KIF16B: variants seen among roughly 807,000 people sequenced by gnomAD.
KIF16B encodes kinesin family member 16B.
In KIF16B, 98 loss-of-function variants were observed where a neutral mutation model predicts 156.3. The observed-to-expected ratio is 0.63, with a 90% CI of 0.53 to 0.74. The LOEUF (loss-of-function observed/expected upper bound fraction) is 0.74. KIF16B is among the 30% of genes least tolerant of loss of function. KIF16B has a pLI of 0.00. For missense variants in KIF16B, 1,421 were observed against 1,606.5 expected (o/e 0.88, Z 1.97); for synonymous variants, 564 against 583.7 (o/e 0.97, Z 0.49).
intron 17 of KIF16B, 116 bp downstream of exon 17, chr20:16,404,696 AT>A: frequency 1.4e-6 from 1 of 712,550 alleles, no homozygotes; most frequent in Non-Finnish European, 2.4e-6. Context: ...ACGGTGGCTG[AT>A]TTGATAAGGA....
At chr20:16,457,356 T>C (rs1470671240) in intron 12 of KIF16B, among the ~76,000 whole-genome samples, 1 of 152,244 alleles carries the variant, frequency 6.6e-6, no homozygotes, top group Non-Finnish European at 1.5e-5. Flanking sequence ...GCAAAACTTC[T>C]ATTAGCAATA....
rs58046157 is a variant in KIF16B at position 16,567,739 on chromosome 20, G to C, written c.47+5490C>G. Among the ~76,000 whole-genome samples, 947 of 152,098 alleles carry C rather than the reference G, an allele frequency of 6.2e-3. 9 individuals carry two copies. Among genetic ancestry groups the C allele is most frequent in the African/African-American group, 0.022 (899 of 41,480 alleles). ...GCTGAGGCGGGCGGATCATGAGGTC[G>C]GGAGATCAAGACCATCCTGGCTAAC... is the stretch of plus-strand genomic sequence containing the variant. On this transcript the variant is annotated intron_variant, in intron 1 of 25. Transcript: ENST00000354981.
chr20:16,367,097 T>G (rs1452198558), intron 22 of KIF16B: 8 of 1,494,598 alleles, frequency 5.4e-6, no homozygotes, highest in African/African-American at 1.4e-5. Context: ...AATGCTTATT[T>G]TATTAATGAT....
chr20:16,288,217 C>A (rs923692898), intron 25 of KIF16B, among the ~76,000 whole-genome samples: 1 of 152,198 alleles, frequency 6.6e-6, no homozygotes, highest in African/African-American at 2.4e-5. Flanking sequence ...GGCACAAAGA[C>A]ATCAAAGCAC....
intron 1 of KIF16B, among the ~76,000 whole-genome samples, chr20:16,559,605 C>CA (rs11405074): frequency 0.36 from 52,675 of 147,988 alleles, 9,283 homozygotes; most frequent in African/African-American, 0.41. Flanking sequence ...CCCATCTCTA[C>CA]AAAAAAAAAA....
intron 4 of KIF16B, among the ~76,000 whole-genome samples, chr20:16,515,240 T>C (rs1475634444): frequency 1.3e-5 from 2 of 152,182 alleles, no homozygotes. Flanking sequence ...AACTGTTGTG[T>C]TGGCAGAAAA....
At chr20:16,570,574 G>A (rs1322035966) in intron 1 of KIF16B, among the ~76,000 whole-genome samples, 1 of 152,172 alleles carries the variant, frequency 6.6e-6, no homozygotes, top group Non-Finnish European at 1.5e-5. Context: ...ATTAGGTCAA[G>A]TATATTCAGT....
chr20:16,333,024 T>G (rs1280341298), intron 24 of KIF16B, among the ~76,000 whole-genome samples: 5 of 152,186 alleles, frequency 3.3e-5, no homozygotes, highest in African/African-American at 1.2e-4. Flanking sequence ...TTACCAGGCT[T>G]AATACTGTCC....
intron 24 of KIF16B, among the ~76,000 whole-genome samples, chr20:16,329,424 C>G (rs991664816): frequency 2.0e-5 from 3 of 152,140 alleles, no homozygotes; most frequent in African/African-American, 7.2e-5. Context: ...AAGCCTTACA[C>G]TGATTTTAAT....
chr20:16,504,278 T>C, intron 10 of KIF16B, 94 bp downstream of exon 10: 1 of 1,262,908 alleles, frequency 7.9e-7, no homozygotes, highest in Non-Finnish European at 1.1e-6. Context: ...TTTACTCAAA[T>C]CAATAGCATG....
At position 16,512,857 on chromosome 20, in the gene KIF16B, A is replaced by G. The variant is rs1898019191; in HGVS notation, c.415T>C (p.Trp139Arg). The G allele has an allele frequency of 1.2e-6, 2 of 1,613,760 alleles. No homozygotes were observed. The highest frequency in any genetic ancestry group is 1.7e-5 in the Admixed American group (1 of 59,996). ...TCAGTTCGAAAAGAAGCTTCATCCC[A>G]TCTGGTGGTTTCATTTATCCGACTG... Reference protein sequence around the residue: ...LFSRINETTRWDEASFRTEVS... With the variant: ...LFSRINETTRRDEASFRTEVS... The change falls in exon 5 of 26, where the codon TGG becomes CGG. Residue 139 changes from tryptophan (W) to arginine (R), a missense_variant. Transcript: ENST00000354981.
intron 19 of KIF16B, among the ~76,000 whole-genome samples, chr20:16,376,632 C>T (rs1175276477): frequency 6.6e-6 from 1 of 152,204 alleles, no homozygotes; most frequent in Non-Finnish European, 1.5e-5. Flanking sequence ...ACTCATGAAG[C>T]TAACAGCCCC....
At chr20:16,438,600 T>C (rs12624346) in intron 12 of KIF16B, among the ~76,000 whole-genome samples, 19,023 of 152,096 alleles carry the variant, frequency 0.13, 1,322 homozygotes, top group Non-Finnish European at 0.17. Flanking sequence ...GGAAGAATCA[T>C]GTCCATCTAA....
Position 16,555,313 on chromosome 20 carries a change from G to C in KIF16B, c.47+17916C>G, listed in dbSNP as rs115103597. On this transcript the variant is annotated intron_variant, in intron 1 of 25. Coordinates refer to ENST00000354981, the MANE Select transcript of KIF16B (RefSeq NM_024704.5). ...CCTCACTGTACAGAAGAGGATATGA[G>C]ACGAAATCAGAAGACAGAGTGCCAC... Among the ~76,000 whole-genome samples the C allele has an allele frequency of 4.2e-3, 640 of 152,312 alleles. 8 individuals are homozygous for C. The highest frequency in any genetic ancestry group is 0.015 in the African/African-American group (607 of 41,560).
chr20:16,547,962 C>G lies in KIF16B; in HGVS notation c.48-19522G>C, dbSNP rs77061525. Among the ~76,000 whole-genome samples, 877 of 152,194 alleles carry G rather than the reference C, an allele frequency of 5.8e-3. 7 individuals carry two copies. The highest frequency in any genetic ancestry group is 0.02 in the African/African-American group (836 of 41,516). On this transcript the variant is annotated intron_variant, in intron 1 of 25. Coordinates refer to ENST00000354981, the MANE Select transcript of KIF16B (RefSeq NM_024704.5). ...TGCACCCCAAACCAATTAAATCTGA[C>G]TCTCTGGCAGAGGGAAGCGAGTGTC...
intron 25 of KIF16B, among the ~76,000 whole-genome samples, chr20:16,281,056 A>G (rs1252965183): frequency 1.3e-5 from 2 of 152,130 alleles, no homozygotes; most frequent in African/African-American, 4.8e-5. Context: ...TGCTTATTTC[A>G]TGTGCAATAT....
At chr20:16,338,235 A>G (rs994810584) in intron 23 of KIF16B, among the ~76,000 whole-genome samples, 15 of 151,084 alleles carry the variant, frequency 9.9e-5, no homozygotes, top group African/African-American at 3.7e-4. Context: ...CTCCCCCCAC[A>G]CTCTTCATCC....
chr20:16,487,250 T>C (rs1471548241), intron 12 of KIF16B, among the ~76,000 whole-genome samples: 1 of 139,228 alleles, frequency 7.2e-6, no homozygotes, highest in East Asian at 2.0e-4. Context: ...AGACTCCATC[T>C]CAAAAAAAAA....
rs138793286 is a variant in KIF16B, at chr20:16,389,737, T to C, written c.1785-7990A>G. On this transcript the variant is annotated intron_variant, in intron 17 of 25. Transcript: ENST00000354981. ...CCTTGTGAACCTAACATTCTAGATGTTCCTTGAAGGCTAAGCAGAAAGCAG... is the reference window on the plus strand; with the variant it reads ...CCTTGTGAACCTAACATTCTAGATGCTCCTTGAAGGCTAAGCAGAAAGCAG... Among the ~76,000 whole-genome samples the C allele has an allele frequency of 2.7e-3, 413 of 152,284 alleles. 1 individual carries two copies. Among genetic ancestry groups the C allele is most frequent in the African/African-American group, 9.6e-3 (399 of 41,552 alleles).
Sources: allele counts gnomAD v4.1 joint callset (sites outside exome capture counted in the v4.1 genomes callset), GRCh38; gene constraint gnomAD v4.1.1; transcripts MANE v1.5; gene names NCBI Gene and HGNC (gene_info 2026-07-23, HGNC 2026-07-21).